AGMO: variants seen among roughly 807,000 people sequenced by gnomAD.
AGMO encodes the protein glyceryl-ether monooxygenase.
Under a neutral mutation model 60.2 loss-of-function variants are expected in AGMO, and 75 were observed. That is an observed-to-expected ratio of 1.25 (90% CI 1.03 to 1.51). The LOEUF (loss-of-function observed/expected upper bound fraction) is 1.51. Among genes scored for constraint, AGMO ranks in the 40% most tolerant of loss-of-function variants. The pLI is 0.00. For synonymous variants in AGMO, 261 were observed against 177.1 expected, an observed-to-expected ratio of 1.47 and a Z score of -3.76; for missense variants, 763 against 525.5, an observed-to-expected ratio of 1.45 and a Z score of -4.42.
intron 2 of AGMO, among the ~76,000 whole-genome samples, chr7:15,557,686 C>T (rs1473623624): frequency 6.6e-6 from 1 of 151,792 alleles, no homozygotes; most frequent in Admixed American, 6.6e-5. Flanking sequence ...AGATAATTTG[C>T]TTTACTGGGA....
intron 12 of AGMO, among the ~76,000 whole-genome samples, chr7:15,245,077 G>C (rs751700271): frequency 2.2e-4 from 34 of 152,126 alleles, no homozygotes; most frequent in Non-Finnish European, 4.4e-4. Flanking sequence ...AAAACTAAAG[G>C]TTAGCCTGTG....
At chr7:15,282,860 G>T (rs574100016) in intron 12 of AGMO, among the ~76,000 whole-genome samples, 1 of 152,276 alleles carries the variant, frequency 6.6e-6, no homozygotes, top group African/African-American at 2.4e-5. Flanking sequence ...GGTAACCTCT[G>T]AAGGAAAATC....
intron 12 of AGMO, among the ~76,000 whole-genome samples, chr7:15,334,736 C>T (rs186149964): frequency 6.6e-6 from 1 of 152,288 alleles, no homozygotes; most frequent in East Asian, 1.9e-4. Context: ...AAGCACAAAA[C>T]CAGTGTCACT....
chr7:15,543,783 A>T (rs1209728335), intron 3 of AGMO, among the ~76,000 whole-genome samples: 1 of 151,822 alleles, frequency 6.6e-6, no homozygotes, highest in Non-Finnish European at 1.5e-5. Context: ...CTCTGCGTAA[A>T]GAAGGAAAAG....
At chr7:15,216,719 A>G (rs1250166858) in intron 12 of AGMO, among the ~76,000 whole-genome samples, 1 of 152,162 alleles carries the variant, frequency 6.6e-6, no homozygotes, top group Non-Finnish European at 1.5e-5. Context: ...GTATGAAACT[A>G]AAAGTTGCTT....
chr7:15,283,704 T>G (rs192893309), intron 12 of AGMO, among the ~76,000 whole-genome samples: 24 of 151,964 alleles, frequency 1.6e-4, no homozygotes, highest in African/African-American at 4.6e-4. Flanking sequence ...AAACAATAAC[T>G]TACACTACAC....
At chr7:15,310,244 T>C (rs1393802811) in intron 12 of AGMO, among the ~76,000 whole-genome samples, 2 of 152,188 alleles carry the variant, frequency 1.3e-5, no homozygotes, top group East Asian at 1.9e-4. Flanking sequence ...AAATCACATG[T>C]AGTAAATGAT....
chr7:15,285,300 T>C (rs554693690), intron 12 of AGMO, among the ~76,000 whole-genome samples: 3 of 152,176 alleles, frequency 2.0e-5, no homozygotes, highest in Admixed American at 1.3e-4. Context: ...CATTGTTCAC[T>C]GATAATATGA....
In AGMO at chr7:15,366,196, CAGA is replaced by C. The variant is rs773539256; in HGVS notation, c.1098_1100del (p.Leu367del). On this transcript the variant is annotated inframe_deletion, in exon 11 of 13. Transcript: ENST00000342526. Reference sequence around the variant, plus strand: ...AGGTCAGGATAATGAAGCAAACCCTCAGAAGGAGAGTAACTTGCGACAGTGCCT... The same window carrying C: ...AGGTCAGGATAATGAAGCAAACCCTCAGGAGAGTAACTTGCGACAGTGCCT... The C allele has an allele frequency of 3.7e-5, 59 of 1,608,256 alleles. No individual in the cohort carries two copies. Among genetic ancestry groups the C allele is most frequent in the African/African-American group, 2.3e-4 (17 of 74,646 alleles).
chr7:15,132,349 A>G, the AGMO span, among the ~76,000 whole-genome samples: 448 of 152,252 alleles, frequency 2.9e-3, 4 homozygotes, highest in African/African-American at 0.01. Context: ...GAAGACAAAT[A>G]CTAATCAAAT....
intron 3 of AGMO, among the ~76,000 whole-genome samples, chr7:15,481,387 G>C (rs139129566): frequency 2.8e-4 from 42 of 152,130 alleles, no homozygotes; most frequent in African/African-American, 9.9e-4. Flanking sequence ...AACCATTAAA[G>C]CTTAACATGA....
rs1311416397 is a variant in AGMO, at chr7:15,443,545, C to T, written c.410-12437G>A. ...TTGTCAGCATCCTTCCTTTGCTGTT[C>T]TATAACTACTTCCCTAGATTGATGC... On this transcript the variant is annotated intron_variant, in intron 3 of 12. Coordinates refer to ENST00000342526, the MANE Select transcript of AGMO (RefSeq NM_001004320.2). Among the ~76,000 whole-genome samples the T allele has an allele frequency of 5.3e-5, 8 of 152,248 alleles. No homozygotes were observed. The South Asian group carries it at 1.2e-3, about 24-fold the overall frequency.
At chr7:15,332,757 AAATT>A (rs1323457633) in intron 12 of AGMO, among the ~76,000 whole-genome samples, 6 of 152,194 alleles carry the variant, frequency 3.9e-5, no homozygotes, top group Admixed American at 1.3e-4. Flanking sequence ...TTCAAAATAA[AAATT>A]ATTTATCAAA....
rs186438708 is a variant in AGMO, at chr7:15,430,158, G to A, written c.513+847C>T. Among the ~76,000 whole-genome samples, 773 of 152,022 alleles carry A rather than the reference G, an allele frequency of 5.1e-3. 1 individual carries two copies. The highest frequency in any genetic ancestry group is 0.014 in the Middle Eastern group (4 of 292). ...ATTTTAGAAGAGTGGCACATAGTAC[G>A]TACTTATTAAATGGTATCTAACAAA... is the stretch of plus-strand genomic sequence containing the variant. On this transcript the variant is annotated intron_variant, in intron 4 of 12. Transcript: ENST00000342526.
rs369825469 is a variant in AGMO, at chr7:15,554,095, A to C, written c.257+6046T>G. ...TAACCAATACAGCTGGGAAATGATT[A>C]TCAAGCTCTGGAAAGCCCTGGATTG... On this transcript the variant is annotated intron_variant, in intron 2 of 12. Coordinates refer to ENST00000342526, the MANE Select transcript of AGMO (RefSeq NM_001004320.2). 1.6e-4 allele frequency among the ~76,000 whole-genome samples: 24 copies of C among 152,320 alleles called. No homozygotes were observed. In the East Asian group the frequency reaches 4.1e-3, roughly 26 times the overall value.
intron 12 of AGMO, among the ~76,000 whole-genome samples, chr7:15,255,547 A>G (rs1007128753): frequency 8.6e-5 from 13 of 150,554 alleles, no homozygotes; most frequent in Non-Finnish European, 1.3e-4. Context: ...AAAAAAAAAA[A>G]AAAGAAAGAA....
intron 3 of AGMO, among the ~76,000 whole-genome samples, chr7:15,525,939 A>C (rs1784117726): frequency 6.6e-6 from 1 of 152,166 alleles, no homozygotes; most frequent in Non-Finnish European, 1.5e-5. Context: ...ACTGGAATCC[A>C]CTGCAGGAGT....
the AGMO span, among the ~76,000 whole-genome samples, chr7:15,179,744 C>T: frequency 6.6e-6 from 1 of 152,152 alleles, no homozygotes; most frequent in African/African-American, 2.4e-5. Context: ...CTGCCTGAAT[C>T]CCCAGGCTAT....
intron 3 of AGMO, among the ~76,000 whole-genome samples, chr7:15,452,797 T>G (rs1483495573): frequency 6.6e-6 from 1 of 152,194 alleles, no homozygotes; most frequent in Non-Finnish European, 1.5e-5. Context: ...TTCACAGCAT[T>G]ATTTAGAGTA....
Sources: allele counts gnomAD v4.1 joint callset (sites outside exome capture counted in the v4.1 genomes callset), GRCh38; gene constraint gnomAD v4.1.1; transcripts MANE v1.5; gene names NCBI Gene and HGNC (gene_info 2026-07-23, HGNC 2026-07-21).